CARD10: variants seen among roughly 807,000 people sequenced by gnomAD.
CARD10 encodes the protein caspase recruitment domain family member 10, also known as caspase recruitment domain-containing protein 10.
In CARD10, 49 loss-of-function variants were observed where a neutral mutation model predicts 114.6. The observed-to-expected ratio is 0.43, with a 90% CI of 0.34 to 0.54. The LOEUF (loss-of-function observed/expected upper bound fraction) is 0.54. Ranked by LOEUF, CARD10 falls within the 20% of genes least tolerant of loss-of-function variation. The pLI, the probability that CARD10 is intolerant of heterozygous loss-of-function variation, is 0.03. For synonymous variants in CARD10, 602 were observed against 593.2 expected (o/e 1.01, Z -0.21); for missense variants, 1,206 against 1,397.2 (o/e 0.86, Z 2.18).
intron 8 of CARD10, 74 bp downstream of exon 8, chr22:37,504,561 A>G (rs1923336775): frequency 2.1e-6 from 3 of 1,457,236 alleles, no homozygotes; most frequent in African/African-American, 1.4e-5. Flanking sequence ...TGGATCCTTC[A>G]GAAAGCACTC....
In CARD10 at chr22:37,502,738, A is replaced by G; in HGVS notation, c.1664-13T>C. The G allele has an allele frequency of 6.2e-7, 1 of 1,611,608 alleles. No individual in the cohort carries two copies. Among genetic ancestry groups the G allele is most frequent in the Non-Finnish European group, 8.5e-7 (1 of 1,179,062 alleles). The stretch of plus-strand genomic sequence containing the variant: ...AGTGTCACACTCCCTGGGGAAAAAG[A>G]ATGAGGTTCAGGGATCTGGCACTGG... On this transcript the variant is annotated splice_polypyrimidine_tract_variant and intron_variant, in intron 10 of 19. Transcript: ENST00000251973.
rs749467683 is a variant in CARD10, at chr22:37,491,312, C to T, written c.2946G>A (p.Leu982=). Residue 982 remains leucine, a synonymous_variant, in exon 20 of 20, where the codon CTG becomes CTA. Transcript: ENST00000251973. ...CRGSEQVLWG[L]PCSWVQVPAH... ...CGGGCACCTGCACCCAGGAGCAGGG[C>T]AGCCCCCAGAGCACCTGCTCTGAGC... 8 of 1,563,530 alleles carry T rather than the reference C, an allele frequency of 5.1e-6. No homozygotes were observed. The highest frequency in any genetic ancestry group is 5.2e-6 in the Non-Finnish European group (6 of 1,160,810).
rs1209983915 is a variant in CARD10 at position 37,492,821 on chromosome 22, GC to G, written c.2477-20del. ...TCCGGCTCTGTGGCAGGGGAGGGGCGCAAAAGAGATAAGGGCACAGGCAGGC... is the reference window on the plus strand; with the variant it reads ...TCCGGCTCTGTGGCAGGGGAGGGGCGAAAAGAGATAAGGGCACAGGCAGGC... On this transcript the variant is annotated intron_variant, in intron 16 of 19. Transcript: ENST00000251973. This position sits in a 1 kb window ranked among gnomAD's most constrained non-coding sequence, Gnocchi z 5.7. 1.4e-5 allele frequency: 22 copies of G among 1,605,010 alleles called. No homozygotes were observed. The highest frequency in any genetic ancestry group is 1.8e-5 in the Non-Finnish European group (21 of 1,178,132).
At chr22:37,503,244 G>A (rs950091792) in intron 9 of CARD10, 31 bp from the exon 10 acceptor site, 4 of 1,604,676 alleles carry the variant, frequency 2.5e-6, no homozygotes, top group Admixed American at 3.4e-5. Context: ...GAGGGGGCAG[G>A]AGGTGAGGCA....
At position 37,519,355 on chromosome 22, in the gene CARD10, A is replaced by G. The variant is rs1923954549; in HGVS notation, c.-155T>C. ...CCCCGCGACTCACCCCGCACGCTACAGTCGCCTCGGGCTCCCGGGTCCGCA... is the reference window on the plus strand; with the variant it reads ...CCCCGCGACTCACCCCGCACGCTACGGTCGCCTCGGGCTCCCGGGTCCGCA... On this transcript the variant is annotated 5_prime_UTR_variant, in exon 1 of 20. Transcript: ENST00000251973. This position sits in a 1 kb window ranked among gnomAD's most constrained non-coding sequence, Gnocchi z 4.1. 1 of 1,241,526 alleles carries G rather than the reference A, an allele frequency of 8.1e-7. No homozygotes were observed. Among genetic ancestry groups the G allele is most frequent in the African/African-American group, 1.6e-5 (1 of 63,976 alleles). The allele number at this position is 1,241,526 out of a possible 1,614,324, so 76.9% of individuals were successfully genotyped here.
chr22:37,492,925 A>C lies in CARD10; in HGVS notation c.2477-123T>G. 1 of 943,632 alleles carries C rather than the reference A, an allele frequency of 1.1e-6. No homozygotes were observed. Among genetic ancestry groups the C allele is most frequent in the Non-Finnish European group, 1.6e-6 (1 of 635,452 alleles). 58.5% of individuals were successfully genotyped at this position (943,632 alleles called of 1,614,324 possible). On this transcript the variant is annotated intron_variant, in intron 16 of 19. Coordinates refer to ENST00000251973, the MANE Select transcript of CARD10 (RefSeq NM_014550.4). This position sits in a 1 kb window ranked among gnomAD's most constrained non-coding sequence, Gnocchi z 5.7. ...TAAGTCCTGCTGCTGCTCCTCCTAC[A>C]CATGCACACACACACACCCTTAGTA...
intron 3 of CARD10, chr22:37,510,624 G>T: frequency 1.7e-6 from 1 of 572,762 alleles, no homozygotes; most frequent in South Asian, 2.4e-5. Context: ...GGAGCAGTGG[G>T]TAGCAAGGCC....
In CARD10 at chr22:37,492,707, G is replaced by A. The variant is rs759424958; in HGVS notation, c.2572C>T (p.Arg858Trp). The change falls in exon 17 of 20, where the codon CGG (arginine) becomes TGG (tryptophan). Residue 858 changes from arginine to tryptophan, a missense_variant. Physicochemically the swap from Arg to Trp is moderately radical, Grantham distance 101 (BLOSUM62 -3). Coordinates refer to ENST00000251973, the MANE Select transcript of CARD10 (RefSeq NM_014550.4). This position sits in a 1 kb window ranked among gnomAD's most constrained non-coding sequence, Gnocchi z 5.7. ...AGGTCTAGCAGGTTACGGATGAGCC[G>A]GGGCGCCAGGCACTCAGGCAACAGC... ...VVLLPECLAP[R>W]LIRNLLDLPS... 6.8e-6 allele frequency: 11 copies of A among 1,612,954 alleles called. No individual in the cohort carries two copies. Among genetic ancestry groups the A allele is most frequent in the East Asian group, 2.2e-5 (1 of 44,886 alleles).
intron 6 of CARD10, 67 bp from the exon 7 acceptor site, chr22:37,506,450 C>G: frequency 8.0e-7 from 1 of 1,256,352 alleles, no homozygotes; most frequent in Non-Finnish European, 1.1e-6. Context: ...TGGCCTATGA[C>G]TTGGAGAATG....
At chr22:37,512,465 C>CACACACACA (rs1923690678) in intron 3 of CARD10, among the ~76,000 whole-genome samples, 3 of 113,772 alleles carry the variant, frequency 2.6e-5, no homozygotes, top group Non-Finnish European at 1.9e-5. Flanking sequence ...AGCCCCCCCT[C>CACACACACA]CACACACACA....
At position 37,516,108 on chromosome 22, in the gene CARD10, C is replaced by T; in HGVS notation, c.564G>A (p.Leu188=). The T allele has an allele frequency of 6.3e-7, 1 of 1,594,840 alleles. No individual in the cohort carries two copies. The highest frequency in any genetic ancestry group is 8.5e-7 in the Non-Finnish European group (1 of 1,171,222). The part of the protein sequence containing the change: ...QQQAQERCQR[L]REDWEAGSLE... Reference sequence around the variant, plus strand: ...GGCTGCCCGCCTCCCAGTCCTCCCGCAGCCGTTGACAGCGCTCCTGAGCCT... The same window carrying T: ...GGCTGCCCGCCTCCCAGTCCTCCCGTAGCCGTTGACAGCGCTCCTGAGCCT... The change falls in exon 3 of 20, where the codon CTG becomes CTA. Residue 188 remains leucine (L), a synonymous_variant. Transcript: ENST00000251973.
At chr22:37,515,868 G>T in intron 3 of CARD10, 105 bp downstream of exon 3, 1 of 912,826 alleles carries the variant, frequency 1.1e-6, no homozygotes, top group Non-Finnish European at 1.6e-6. Context: ...ACTTATCCAC[G>T]TCAAAGAGCC....
chr22:37,503,133 G>T, intron 10 of CARD10, 52 bp downstream of exon 10: 1 of 1,589,666 alleles, frequency 6.3e-7, no homozygotes, highest in Non-Finnish European at 8.6e-7. Flanking sequence ...GGGCTGCAAA[G>T]CCACCTCCCC....
At position 37,507,924 on chromosome 22, in the gene CARD10, T is replaced by G. The variant is rs1923469880; in HGVS notation, c.1096A>C (p.Lys366Gln). ...CAGTCCTTCTGCAGCGTGCGGTGCTTGAGCCGCAGGTCTTCCATCTCCTGC... is the reference window on the plus strand; with the variant it reads ...CAGTCCTTCTGCAGCGTGCGGTGCTGGAGCCGCAGGTCTTCCATCTCCTGC... ...YLQEMEDLRL[K>Q]HRTLQKDCDL... Residue 366 changes from lysine (K) to glutamine (Q), a missense_variant, in exon 6 of 20, where the codon AAG becomes CAG. Coordinates refer to ENST00000251973, the MANE Select transcript of CARD10 (RefSeq NM_014550.4). 3.1e-6 allele frequency: 5 copies of G among 1,614,082 alleles called. No individual in the cohort carries two copies. The highest frequency in any genetic ancestry group is 3.4e-6 in the Non-Finnish European group (4 of 1,179,978).
In CARD10 at chr22:37,493,216, G is replaced by A. The variant is rs901070767; in HGVS notation, c.2477-414C>T. 1.4e-4 allele frequency among the ~76,000 whole-genome samples: 21 copies of A among 152,106 alleles called. 1 individual carries two copies. Among genetic ancestry groups the A allele is most frequent in the South Asian group, 4.1e-4 (2 of 4,828 alleles). On this transcript the variant is annotated intron_variant, in intron 16 of 19. Coordinates refer to ENST00000251973, the MANE Select transcript of CARD10 (RefSeq NM_014550.4). ...CAGCCTCCACTCTCCCTTCAGCTGC[G>A]TCCAACCACAGGGCCTTTGCATGCC...
At chr22:37,494,349 T>G in intron 15 of CARD10, 161 bp from the exon 16 acceptor site, 1 of 603,754 alleles carries the variant, frequency 1.7e-6, no homozygotes, top group Non-Finnish European at 2.9e-6. Flanking sequence ...CACCAGGCCC[T>G]CCCCTGCCCC....
chr22:37,495,854 A>G lies in CARD10; in HGVS notation c.2209T>C (p.Ser737Pro). 6.2e-7 allele frequency: 1 copy of G among 1,614,130 alleles called. No individual in the cohort carries two copies. Residue 737 changes from serine (S) to proline (P), a missense_variant, in exon 14 of 20, where the codon TCG (serine) becomes CCG (proline). Ser to Pro is a moderately conservative substitution (Grantham distance 74, BLOSUM62 -1). Coordinates refer to ENST00000251973, the MANE Select transcript of CARD10 (RefSeq NM_014550.4). Reference sequence around the variant, plus strand: ...CATTCCTGCCTCCGCTTGTATGCCGAGTCCACCAGTCGAAGGATCTCTTGG... The same window carrying G: ...CATTCCTGCCTCCGCTTGTATGCCGGGTCCACCAGTCGAAGGATCTCTTGG... ...KAQEILRLVDSAYKRRQEWFC... is the reference protein window; with the variant it reads ...KAQEILRLVDPAYKRRQEWFC...
At chr22:37,516,799 G>A (rs5995439) in intron 2 of CARD10, among the ~76,000 whole-genome samples, 1,769 of 152,264 alleles carry the variant, frequency 0.012, 21 homozygotes, top group African/African-American at 0.037. Context: ...TGACAACACT[G>A]TAAGGTAGGT....
intron 11 of CARD10, among the ~76,000 whole-genome samples, chr22:37,498,482 C>G (rs1923088929): frequency 6.6e-6 from 1 of 152,170 alleles, no homozygotes; most frequent in South Asian, 2.1e-4. Flanking sequence ...GGCAGCGGGG[C>G]GAAGCATCTC....
Sources: allele counts gnomAD v4.1 joint callset (sites outside exome capture counted in the v4.1 genomes callset), GRCh38; gene constraint gnomAD v4.1.1; non-coding constraint Gnocchi (gnomAD v3.1); transcripts MANE v1.5; gene names NCBI Gene and HGNC (gene_info 2026-07-23, HGNC 2026-07-21).